The following HECW1 variants were observed in gnomAD, a reference collection of about 807,000 sequenced individuals.
HECW1 encodes the protein HECT, C2 and WW domain containing E3 ubiquitin protein ligase 1, also known as E3 ubiquitin-protein ligase HECW1.
In HECW1, 61 loss-of-function variants were observed where a neutral mutation model predicts 182.3. The observed-to-expected ratio is 0.33, with a 90% CI of 0.27 to 0.41. HECW1 has a LOEUF of 0.41. HECW1 is among the 10% of genes least tolerant of loss of function. HECW1 has a pLI of 1.00. For missense variants in HECW1, 1,739 were observed against 2,108.9 expected, an observed-to-expected ratio of 0.82 and a Z score of 3.44; for synonymous variants, 859 against 832.6, an observed-to-expected ratio of 1.03 and a Z score of -0.55.
chr7:43,500,882 C>T (rs2079322729), intron 20 of HECW1, 100 bp downstream of exon 20: 1 of 993,884 alleles, frequency 1.0e-6, no homozygotes, highest in South Asian at 1.3e-5. Context: ...AAACTCACCG[C>T]TTGTTCTAGA....
chr7:43,272,718 G>A (rs768156531), intron 3 of HECW1, among the ~76,000 whole-genome samples: 1 of 152,152 alleles, frequency 6.6e-6, no homozygotes, highest in Non-Finnish European at 1.5e-5. Context: ...TACACTGCTG[G>A]TGGGAATGTA....
intron 2 of HECW1, among the ~76,000 whole-genome samples, chr7:43,117,495 T>C (rs1458211220): frequency 6.9e-6 from 1 of 145,120 alleles, no homozygotes; most frequent in Non-Finnish European, 1.5e-5. Context: ...TTTTCTACTT[T>C]CTGAGGTTTA....
intron 2 of HECW1, among the ~76,000 whole-genome samples, chr7:43,184,558 A>G (rs1415574061): frequency 6.6e-6 from 1 of 152,186 alleles, no homozygotes; most frequent in Non-Finnish European, 1.5e-5. Context: ...AGATAGCTTC[A>G]GGATAGGGGC....
At chr7:43,301,958 A>G (rs1221968157) in intron 3 of HECW1, among the ~76,000 whole-genome samples, 1 of 152,010 alleles carries the variant, frequency 6.6e-6, no homozygotes, top group East Asian at 1.9e-4. Flanking sequence ...GGGTCAAACC[A>G]CCCAGGGGAT....
In HECW1 at chr7:43,336,130, CTCTCTCTCTCTCTT is replaced by C. The variant is rs1562853621; in HGVS notation, c.460+15402_460+15415del. On this transcript the variant is annotated intron_variant, in intron 5 of 29. Transcript: ENST00000395891. ...TCTTTCTTTCTTTCTTTCTTTCTCT[CTCTCTCTCTCTCTT>C]TCTCTCTCTCTCTCTCTCTCTCTCT... Among the ~76,000 whole-genome samples the C allele has an allele frequency of 5.2e-3, 474 of 90,576 alleles. 2 individuals are homozygous for C. Among genetic ancestry groups the C allele is most frequent in the South Asian group, 8.8e-3 (19 of 2,170 alleles). 59.4% of individuals were successfully genotyped at this position (90,576 alleles called of 152,430 possible).
intron 17 of HECW1, among the ~76,000 whole-genome samples, chr7:43,482,727 A>G (rs1210055619): frequency 6.6e-6 from 1 of 152,112 alleles, no homozygotes; most frequent in South Asian, 2.1e-4. Flanking sequence ...GCAGCATGGC[A>G]GGACCTTTTC....
intron 3 of HECW1, among the ~76,000 whole-genome samples, chr7:43,256,233 T>C (rs1430580432): frequency 6.6e-6 from 1 of 152,218 alleles, no homozygotes; most frequent in African/African-American, 2.4e-5. Flanking sequence ...TATGTGGGTT[T>C]TGAAACTGTG....
intron 2 of HECW1, among the ~76,000 whole-genome samples, chr7:43,213,485 G>A (rs1245018546): frequency 7.9e-6 from 1 of 127,348 alleles, no homozygotes; most frequent in Non-Finnish European, 1.6e-5. Context: ...TCGCTCTGTC[G>A]CCCAGGCTGG....
intron 24 of HECW1, among the ~76,000 whole-genome samples, chr7:43,531,939 T>A: frequency 6.6e-6 from 1 of 152,214 alleles, no homozygotes; most frequent in East Asian, 1.9e-4. Context: ...TGGCTTCAAA[T>A]GCCATCTGCA....
At chr7:43,265,950 A>AG (rs371980373) in intron 3 of HECW1, among the ~76,000 whole-genome samples, 2,756 of 151,968 alleles carry the variant, frequency 0.018, 71 homozygotes, top group African/African-American at 0.054. Flanking sequence ...AGGAAACTTG[A>AG]GGGGGGGTGT....
At chr7:43,206,730 C>T (rs1795516526) in intron 2 of HECW1, among the ~76,000 whole-genome samples, 1 of 152,170 alleles carries the variant, frequency 6.6e-6, no homozygotes, top group Non-Finnish European at 1.5e-5. Flanking sequence ...TATTTTTACA[C>T]TCGGTTCATA....
intron 24 of HECW1, among the ~76,000 whole-genome samples, chr7:43,513,466 T>C (rs758721039): frequency 4.6e-5 from 7 of 152,190 alleles, no homozygotes; most frequent in Admixed American, 1.3e-4. Flanking sequence ...TGAGAGTGGG[T>C]ACTTGACATT....
At chr7:43,304,552 G>A (rs56858697) in intron 3 of HECW1, among the ~76,000 whole-genome samples, 100 of 151,524 alleles carry the variant, frequency 6.6e-4, no homozygotes, top group Admixed American at 1.2e-3. Flanking sequence ...GTGCAGTGGC[G>A]CAATCTTAGC....
intron 3 of HECW1, among the ~76,000 whole-genome samples, chr7:43,288,698 A>G (rs1257486074): frequency 6.6e-6 from 1 of 152,168 alleles, no homozygotes; most frequent in African/African-American, 2.4e-5. Flanking sequence ...AAATTGGAAA[A>G]TGCTGTGCAA....
At chr7:43,268,003 C>T (rs530440917) in intron 3 of HECW1, among the ~76,000 whole-genome samples, 2 of 146,884 alleles carry the variant, frequency 1.4e-5, no homozygotes, top group East Asian at 4.2e-4. Context: ...TGATAGTTAT[C>T]ACAGACAAAT....
At chr7:43,197,341 A>G (rs1341189020) in intron 2 of HECW1, among the ~76,000 whole-genome samples, 1 of 152,138 alleles carries the variant, frequency 6.6e-6, no homozygotes, top group Admixed American at 6.5e-5. Context: ...ACACAGAGAA[A>G]CAGCTTTTCC....
chr7:43,479,540 G>A (rs866620702), intron 16 of HECW1, 70 bp from the exon 17 acceptor site: 4 of 1,587,832 alleles, frequency 2.5e-6, no homozygotes, highest in Middle Eastern at 3.3e-4. Context: ...TAGCACTCCT[G>A]TATATTACTG....
At chr7:43,215,905 C>T (rs528825390) in intron 2 of HECW1, among the ~76,000 whole-genome samples, 1 of 152,274 alleles carries the variant, frequency 6.6e-6, no homozygotes, top group East Asian at 1.9e-4. Context: ...TCTCCAAGGA[C>T]GTATAGGGCC....
At chr7:43,328,952 G>T (rs183279653) in intron 5 of HECW1, among the ~76,000 whole-genome samples, 204 of 152,318 alleles carry the variant, frequency 1.3e-3, no homozygotes, top group African/African-American at 4.7e-3. Context: ...GAGGCCTGCT[G>T]GGGATCGTGC....
Sources: allele counts gnomAD v4.1 joint callset (sites outside exome capture counted in the v4.1 genomes callset), GRCh38; gene constraint gnomAD v4.1.1; transcripts MANE v1.5; gene names NCBI Gene and HGNC (gene_info 2026-07-23, HGNC 2026-07-21).